MAGI2: variants seen among roughly 807,000 people sequenced by gnomAD.
MAGI2 encodes the protein membrane-associated guanylate kinase, WW and PDZ domain-containing protein 2.
MAGI2 carries 35 observed loss-of-function variants against 133.3 expected under a neutral mutation model. That is an observed-to-expected ratio of 0.26 (90% CI 0.20 to 0.35). MAGI2 has a LOEUF of 0.35. Ranked by LOEUF, MAGI2 falls within the 10% of genes least tolerant of loss-of-function variation. The pLI, the probability that MAGI2 is intolerant of heterozygous loss-of-function variation, is 1.00. For synonymous variants in MAGI2, 729 were observed against 710.6 expected (o/e 1.03, Z -0.41); for missense variants, 1,636 against 1,863.4 (o/e 0.88, Z 2.25).
intron 4 of MAGI2, among the ~76,000 whole-genome samples, chr7:78,520,281 A>G (rs1052460758): frequency 2.9e-4 from 44 of 152,288 alleles, no homozygotes; most frequent in African/African-American, 1.0e-3. Context: ...GAACACCTTT[A>G]TAGGCATTTT....
intron 9 of MAGI2, among the ~76,000 whole-genome samples, chr7:78,276,182 C>T (rs1261444227): frequency 2.6e-5 from 4 of 152,158 alleles, no homozygotes; most frequent in Non-Finnish European, 5.9e-5. Context: ...GCTAGTCGAT[C>T]TTTCAATAAT....
rs71095400 is a variant in MAGI2, at chr7:79,368,847, C to CAAA, written c.301+84170_301+84172dup. Among the ~76,000 whole-genome samples, 82 of 75,336 alleles carry CAAA rather than the reference C, an allele frequency of 1.1e-3. 3 individuals are homozygous for CAAA. The highest frequency in any genetic ancestry group is 2.5e-3 in the African/African-American group (60 of 24,260). The allele number at this position is 75,336 out of a possible 152,430, so 49.4% of individuals were successfully genotyped here. ...TGGGCGACAGAGCGAGACTCCGTCTCAAAAAAAAAAAAAAAAAAAAAAAAA... is the reference window on the plus strand; with the variant it reads ...TGGGCGACAGAGCGAGACTCCGTCTCAAAAAAAAAAAAAAAAAAAAAAAAAAAA... On this transcript the variant is annotated intron_variant, in intron 1 of 21. Transcript: ENST00000354212.
At chr7:78,608,494 T>C (rs955287796) in intron 3 of MAGI2, among the ~76,000 whole-genome samples, 4 of 151,720 alleles carry the variant, frequency 2.6e-5, no homozygotes, top group African/African-American at 9.7e-5. Flanking sequence ...TATACGTATA[T>C]ATAGAAGCAT....
chr7:78,940,118 C>G (rs1800853688), intron 2 of MAGI2, among the ~76,000 whole-genome samples: 1 of 152,086 alleles, frequency 6.6e-6, no homozygotes, highest in South Asian at 2.1e-4. Context: ...TACACATTTC[C>G]AAAGATAAAA....
chr7:78,334,544 T>A (rs1789554239), intron 9 of MAGI2, among the ~76,000 whole-genome samples: 1 of 152,178 alleles, frequency 6.6e-6, no homozygotes, highest in Non-Finnish European at 1.5e-5. Flanking sequence ...GCCCATAGTC[T>A]CCACCCTAAA....
At chr7:78,645,750 T>C (rs565438348) in intron 2 of MAGI2, among the ~76,000 whole-genome samples, 31 of 151,748 alleles carry the variant, frequency 2.0e-4, no homozygotes, top group Middle Eastern at 3.4e-3. Flanking sequence ...TTTTTTTTTT[T>C]TTCCCCGAGA....
In MAGI2 at chr7:78,019,881, A is replaced by C. The variant is rs767664742; in HGVS notation, c.3802T>G (p.Ser1268Ala). ...LDDGLAPFSP[S>A]HPAPPSDPSH... ...GGGTCGGAGGGTGGGGCTGGATGTGATGGAGAGAATGGAGCGAGGCCGTCG... is the reference window on the plus strand; with the variant it reads ...GGGTCGGAGGGTGGGGCTGGATGTGCTGGAGAGAATGGAGCGAGGCCGTCG... Residue 1268 changes from serine to alanine, a missense_variant, in exon 22 of 22, where the codon TCA becomes GCA. Coordinates refer to ENST00000354212, the MANE Select transcript of MAGI2 (RefSeq NM_012301.4). The C allele has an allele frequency of 3.1e-6, 5 of 1,612,384 alleles. No individual in the cohort carries two copies. Among genetic ancestry groups the C allele is most frequent in the Non-Finnish European group, 3.4e-6 (4 of 1,179,492 alleles).
chr7:78,559,238 GTTT>G (rs375030951), intron 3 of MAGI2, among the ~76,000 whole-genome samples: 1 of 128,366 alleles, frequency 7.8e-6, no homozygotes, highest in East Asian at 2.4e-4. Context: ...TTCCTTTCAG[GTTT>G]TTTTTTTTTT....
chr7:78,090,195 G>A (rs1299178456), intron 20 of MAGI2, among the ~76,000 whole-genome samples: 1 of 152,126 alleles, frequency 6.6e-6, no homozygotes, highest in African/African-American at 2.4e-5. Context: ...CCTTCTCTGT[G>A]TGTCCACTGC....
intron 6 of MAGI2, among the ~76,000 whole-genome samples, chr7:78,402,183 T>C (rs1313958389): frequency 6.6e-6 from 1 of 151,940 alleles, no homozygotes; most frequent in African/African-American, 2.4e-5. Context: ...CATATGTGTG[T>C]GTGCCCACCT....
At chr7:79,185,727 T>G (rs752842537) in intron 1 of MAGI2, among the ~76,000 whole-genome samples, 1 of 151,784 alleles carries the variant, frequency 6.6e-6, no homozygotes, top group Non-Finnish European at 1.5e-5. Flanking sequence ...TGTTGAAACA[T>G]GCTCAAGGAC....
intron 1 of MAGI2, among the ~76,000 whole-genome samples, chr7:79,217,132 AC>A (rs1329929036): frequency 6.6e-6 from 1 of 152,036 alleles, no homozygotes; most frequent in African/African-American, 2.4e-5. Context: ...GCGGAGTTTG[AC>A]TTTTTTCCAT....
chr7:78,401,141 C>T (rs148630799), intron 6 of MAGI2, among the ~76,000 whole-genome samples: 3 of 151,710 alleles, frequency 2.0e-5, no homozygotes, highest in Non-Finnish European at 4.4e-5. Flanking sequence ...TAGTCCCCTT[C>T]GCAAAAGAAA....
chr7:78,852,074 C>T (rs971141692), intron 2 of MAGI2, among the ~76,000 whole-genome samples: 2 of 151,948 alleles, frequency 1.3e-5, no homozygotes, highest in Non-Finnish European at 2.9e-5. Context: ...AAAGTCTTGT[C>T]GATATAATTA....
chr7:79,436,831 T>C (rs1402111971), intron 1 of MAGI2, among the ~76,000 whole-genome samples: 2 of 152,144 alleles, frequency 1.3e-5, no homozygotes, highest in Non-Finnish European at 2.9e-5. Flanking sequence ...TTCAATCCAG[T>C]AATCCCATTA....
intron 1 of MAGI2, among the ~76,000 whole-genome samples, chr7:79,229,315 C>T (rs1831150284): frequency 6.6e-6 from 1 of 152,100 alleles, no homozygotes; most frequent in Admixed American, 6.6e-5. Flanking sequence ...CATAAAACCC[C>T]ATACATGCTA....
intron 1 of MAGI2, among the ~76,000 whole-genome samples, chr7:79,329,705 G>T (rs1405778596): frequency 1.3e-5 from 2 of 152,168 alleles, no homozygotes; most frequent in African/African-American, 4.8e-5. Context: ...GGGCTCCATG[G>T]AGACATGTGC....
intron 1 of MAGI2, among the ~76,000 whole-genome samples, chr7:79,423,920 G>C (rs1847154067): frequency 6.6e-6 from 1 of 152,144 alleles, no homozygotes; most frequent in Non-Finnish European, 1.5e-5. Context: ...TAGGAGGAAG[G>C]TGAAGTGTTT....
Position 78,801,376 on chromosome 7 carries a change from T to C in MAGI2, c.419-174137A>G, listed in dbSNP as rs190297907. Among the ~76,000 whole-genome samples, 461 of 152,264 alleles carry C rather than the reference T, an allele frequency of 3.0e-3. 2 individuals carry two copies. Among genetic ancestry groups the C allele is most frequent in the African/African-American group, 0.011 (437 of 41,570 alleles). On this transcript the variant is annotated intron_variant, in intron 2 of 21. Transcript: ENST00000354212. ...TGAATGATCTGGGAGAGCTTCAGAATTGTGCTTAAAACTAGGTTTATAACT... is the reference window on the plus strand; with the variant it reads ...TGAATGATCTGGGAGAGCTTCAGAACTGTGCTTAAAACTAGGTTTATAACT...
Sources: allele counts gnomAD v4.1 joint callset (sites outside exome capture counted in the v4.1 genomes callset), GRCh38; gene constraint gnomAD v4.1.1; transcripts MANE v1.5; gene names NCBI Gene and HGNC (gene_info 2026-07-23, HGNC 2026-07-21).